The following AP3B1 variants were observed in gnomAD, a reference collection of about 807,000 sequenced individuals.
AP3B1 encodes AP-3 complex subunit beta-1.
AP3B1 carries 61 observed loss-of-function variants against 132.5 expected under a neutral mutation model. The observed-to-expected ratio is 0.46, with a 90% CI of 0.37 to 0.57. AP3B1 has a LOEUF of 0.57. Ranked by LOEUF, AP3B1 falls within the 20% of genes least tolerant of loss-of-function variation. The pLI is 0.00. For missense variants in AP3B1, 1,120 were observed against 1,289.4 expected (o/e 0.87, Z 2.01); for synonymous variants, 388 against 438.3 (o/e 0.89, Z 1.43).
At chr5:78,199,768 G>A (rs1745217811) in intron 7 of AP3B1, among the ~76,000 whole-genome samples, 1 of 151,420 alleles carries the variant, frequency 6.6e-6, no homozygotes, top group Admixed American at 6.6e-5. Context: ...ACATAAAACA[G>A]GAAAAAAACT....
intron 12 of AP3B1, among the ~76,000 whole-genome samples, chr5:78,164,389 T>C (rs185429950): frequency 6.6e-6 from 1 of 152,214 alleles, no homozygotes; most frequent in Admixed American, 6.5e-5. Context: ...AGGTCTAGTA[T>C]GTGCCCTCTA....
rs367648410 is a variant in AP3B1 at position 78,165,681 on chromosome 5, G to A, written c.1168-9C>T. The A allele has an allele frequency of 1.2e-4, 193 of 1,566,504 alleles. 1 individual carries two copies. Among genetic ancestry groups the A allele is most frequent in the Admixed American group, 2.7e-4 (16 of 59,322 alleles). ...TTTGTCAAAATTTCAAGCTATAGTA[G>A]AGAAAAGAGAAAGTAAACATTTTAA... On this transcript the variant is annotated splice_polypyrimidine_tract_variant and intron_variant, in intron 11 of 26. Transcript: ENST00000255194.
intron 22 of AP3B1, among the ~76,000 whole-genome samples, chr5:78,065,684 GGGGAA>G (rs1476696674): frequency 6.6e-6 from 1 of 152,092 alleles, no homozygotes; most frequent in East Asian, 1.9e-4. Context: ...AAGCCACTCT[GGGGAA>G]GGGCAGCCAT....
At chr5:78,258,994 T>C (rs772559344) in intron 2 of AP3B1, among the ~76,000 whole-genome samples, 1 of 151,980 alleles carries the variant, frequency 6.6e-6, no homozygotes, top group Non-Finnish European at 1.5e-5. Context: ...TCCCAGCACT[T>C]TGAGAGGCCA....
intron 14 of AP3B1, among the ~76,000 whole-genome samples, chr5:78,151,138 C>G (rs2112346040): frequency 6.6e-6 from 1 of 152,224 alleles, no homozygotes; most frequent in African/African-American, 2.4e-5. Flanking sequence ...AGGCTGGTCT[C>G]AAACTCCTGA....
In AP3B1 at chr5:78,060,772, GA is replaced by G. The variant is rs963813048; in HGVS notation, c.2578-21499del. ...TATTAACAGAAATATTCAGGTTTTT[GA>G]AAAAAAAAAATCTTTCATCACAAGT... On this transcript the variant is annotated intron_variant, in intron 22 of 26. Transcript: ENST00000255194. Among the ~76,000 whole-genome samples, 345 of 144,508 alleles carry G rather than the reference GA, an allele frequency of 2.4e-3. 1 individual carries two copies. The highest frequency in any genetic ancestry group is 6.3e-3 in the African/African-American group (251 of 39,608). 94.8% of individuals were successfully genotyped at this position (144,508 alleles called of 152,430 possible). A position where few individuals can be genotyped will look rare whatever the true frequency, so the allele number is the denominator to read the frequency against.
intron 24 of AP3B1, among the ~76,000 whole-genome samples, chr5:78,023,954 G>A (rs574220086): frequency 1.3e-5 from 2 of 152,262 alleles, no homozygotes; most frequent in East Asian, 3.9e-4. Flanking sequence ...CAGTAAAGAA[G>A]AAGAAACAAA....
intron 26 of AP3B1, among the ~76,000 whole-genome samples, chr5:78,009,056 C>A (rs1746507546): frequency 6.6e-6 from 1 of 152,140 alleles, no homozygotes; most frequent in Admixed American, 6.5e-5. Flanking sequence ...CATTATAGAT[C>A]TTTTTAGGAT....
rs184233690 is a variant in AP3B1 at position 78,116,888 on chromosome 5, G to A, written c.1969-654C>T. Among the ~76,000 whole-genome samples, 360 of 152,072 alleles carry A rather than the reference G, an allele frequency of 2.4e-3. 1 individual carries two copies. Among genetic ancestry groups the A allele is most frequent in the Admixed American group, 7.6e-3 (116 of 15,274 alleles). On this transcript the variant is annotated intron_variant, in intron 17 of 26. Coordinates refer to ENST00000255194, the MANE Select transcript of AP3B1 (RefSeq NM_003664.5). Reference sequence around the variant, plus strand: ...AGAATGATTATATTAAAACCTAAATGAGAGCAAGCTCCTTTTTGGCCTGAA... The same window carrying A: ...AGAATGATTATATTAAAACCTAAATAAGAGCAAGCTCCTTTTTGGCCTGAA...
At chr5:78,112,306 G>A (rs1751629483) in intron 19 of AP3B1, among the ~76,000 whole-genome samples, 4 of 152,096 alleles carry the variant, frequency 2.6e-5, no homozygotes, top group Admixed American at 2.6e-4. Flanking sequence ...ATATGTTGTT[G>A]TTTTTCCCTG....
chr5:78,030,135 AT>A (rs890495635), intron 24 of AP3B1, among the ~76,000 whole-genome samples: 1 of 150,922 alleles, frequency 6.6e-6, no homozygotes, highest in Admixed American at 6.6e-5. Flanking sequence ...TCTGTCTCTG[AT>A]TTTTTTTTGA....
chr5:78,004,975 C>T (rs1746331015), intron 26 of AP3B1, among the ~76,000 whole-genome samples: 1 of 152,178 alleles, frequency 6.6e-6, no homozygotes, highest in South Asian at 2.1e-4. Flanking sequence ...CTAAAATGAT[C>T]TCTCTTTTCT....
At chr5:78,229,332 T>G (rs950490843) in intron 3 of AP3B1, among the ~76,000 whole-genome samples, 5 of 152,174 alleles carry the variant, frequency 3.3e-5, no homozygotes, top group African/African-American at 1.2e-4. Flanking sequence ...GAGTTGAAAT[T>G]TATCCATTGC....
At chr5:78,012,932 G>T (rs1475833484) in intron 26 of AP3B1, among the ~76,000 whole-genome samples, 1 of 152,180 alleles carries the variant, frequency 6.6e-6, no homozygotes. Context: ...CAAGTTACTG[G>T]CAAACTATCT....
intron 17 of AP3B1, chr5:78,121,664 A>C (rs1014509996): frequency 6.6e-6 from 1 of 152,262 alleles, no homozygotes; most frequent in African/African-American, 2.4e-5. Flanking sequence ...GAATCTCTGA[A>C]TAGACCGATA....
chr5:78,150,168 C>T (rs1232905300), intron 14 of AP3B1, among the ~76,000 whole-genome samples: 1 of 152,138 alleles, frequency 6.6e-6, no homozygotes, highest in Non-Finnish European at 1.5e-5. Flanking sequence ...ACTACATCTG[C>T]ATTTATTATA....
At chr5:78,245,462 T>C (rs116047125) in intron 2 of AP3B1, among the ~76,000 whole-genome samples, 2,526 of 152,282 alleles carry the variant, frequency 0.017, 78 homozygotes, top group African/African-American at 0.058. Flanking sequence ...CATGGGAACA[T>C]GATGGCAATT....
chr5:78,062,900 A>G (rs182409685), intron 22 of AP3B1, among the ~76,000 whole-genome samples: 355 of 152,320 alleles, frequency 2.3e-3, no homozygotes, highest in Middle Eastern at 3.4e-3. Flanking sequence ...CCAAATGAAC[A>G]AATTATGATG....
chr5:78,102,744 G>A (rs1751181596), intron 20 of AP3B1, among the ~76,000 whole-genome samples: 1 of 152,096 alleles, frequency 6.6e-6, no homozygotes, highest in Admixed American at 6.6e-5. Flanking sequence ...GTGCATGACT[G>A]TCTTTATGGA....
Sources: allele counts gnomAD v4.1 joint callset (sites outside exome capture counted in the v4.1 genomes callset), GRCh38; gene constraint gnomAD v4.1.1; transcripts MANE v1.5; gene names NCBI Gene and HGNC (gene_info 2026-07-23, HGNC 2026-07-21).